Variants in MRM1 observed in about 807,000 individuals in gnomAD.
The protein encoded by MRM1 is rRNA methyltransferase 1, mitochondrial.
A neutral mutation model predicts 25.0 loss-of-function variants in MRM1; 24 were observed. The ratio of observed to expected loss-of-function variants is 0.96; its 90% CI spans 0.69 to 1.35. The LOEUF is 1.35. MRM1 is among the 40% of genes most tolerant of loss of function. MRM1 has a pLI of 0.00. For synonymous variants in MRM1, 188 were observed against 199.2 expected (o/e 0.94, Z 0.47); for missense variants, 431 against 464.1 (o/e 0.93, Z 0.65).
rs35958806 is a variant in MRM1 at position 36,605,140 on chromosome 17, C to CA, written c.636+2508dup. Among the ~76,000 whole-genome samples the CA allele has an allele frequency of 3.7e-3, 444 of 120,320 alleles. 9 individuals carry two copies. In the East Asian group the frequency reaches 0.06, roughly 16 times the overall value. 78.9% of individuals were successfully genotyped at this position (120,320 alleles called of 152,430 possible). On this transcript the variant is annotated intron_variant, in intron 2 of 4. Coordinates refer to ENST00000614766, the MANE Select transcript of MRM1 (RefSeq NM_024864.5). Reference sequence around the variant, plus strand: ...GGGCAATAAGAGTGAAACTCTATCTCAAAAAAAAAAAAAAGAGAGAGAGAG... The same window carrying CA: ...GGGCAATAAGAGTGAAACTCTATCTCAAAAAAAAAAAAAAAGAGAGAGAGAG...
the MRM1 span, among the ~76,000 whole-genome samples, chr17:36,623,037 C>G: frequency 6.6e-6 from 1 of 152,212 alleles, no homozygotes; most frequent in African/African-American, 2.4e-5. Context: ...GGAGCCCCTA[C>G]TGATATGGGG....
At chr17:36,627,674 GT>G in the MRM1 span, among the ~76,000 whole-genome samples, 891 of 83,674 alleles carry the variant, frequency 0.011, 2 homozygotes, top group African/African-American at 0.025. Flanking sequence ...TTTGGACACT[GT>G]TTTTTTTTTT....
rs936321733 is a variant in MRM1, at chr17:36,601,841, A to G, written c.31A>G (p.Thr11Ala). The G allele has an allele frequency of 2.5e-6, 4 of 1,585,808 alleles. No homozygotes were observed. The African/African-American group carries it at 5.4e-5, about 21-fold the overall frequency. ...ATTGCTCTCGACCGTCCGGGGCGCG[A>G]CCTGGGGTCGCCTCGTCACCCGTCA... MALLSTVRGA[T>A]WGRLVTRHFS... Residue 11 changes from threonine to alanine, a missense_variant, in exon 1 of 5, where the codon ACC (threonine) becomes GCC (alanine). Physicochemically the swap from Thr to Ala is moderately conservative, Grantham distance 58 (BLOSUM62 0). Transcript: ENST00000614766.
At chr17:36,623,737 C>T in the MRM1 span, among the ~76,000 whole-genome samples, 1 of 152,202 alleles carries the variant, frequency 6.6e-6, no homozygotes, top group Admixed American at 6.5e-5. Context: ...GTAAGTTCTT[C>T]TTGGTGTCTC....
chr17:36,615,210 C>T, the MRM1 span, among the ~76,000 whole-genome samples: 2 of 152,236 alleles, frequency 1.3e-5, no homozygotes, highest in South Asian at 2.1e-4. Context: ...TGCTGTGGGC[C>T]GGGGAGGAGG....
At chr17:36,631,606 C>G in the MRM1 span, among the ~76,000 whole-genome samples, 3 of 152,228 alleles carry the variant, frequency 2.0e-5, no homozygotes, top group Non-Finnish European at 2.9e-5. Flanking sequence ...CGCGGGGCAT[C>G]CCTCCTGTCC....
the MRM1 span, among the ~76,000 whole-genome samples, chr17:36,624,402 C>T: frequency 2.6e-5 from 4 of 152,230 alleles, no homozygotes; most frequent in South Asian, 2.1e-4. The surrounding 1 kb of genome is among the most constrained non-coding windows in gnomAD (Gnocchi z 4.0). Context: ...TTGCCATCTC[C>T]AGCCACTTGC....
chr17:36,610,364 C>A (rs1020121906), downstream of MRM1, among the ~76,000 whole-genome samples: 2 of 152,014 alleles, frequency 1.3e-5, no homozygotes, highest in Non-Finnish European at 2.9e-5. Flanking sequence ...TCCTGAGTAG[C>A]TGGGACTACA....
At chr17:36,603,332 C>A in intron 2 of MRM1, 1 of 426,738 alleles carries the variant, frequency 2.3e-6, no homozygotes, top group Non-Finnish European at 3.1e-6. Flanking sequence ...AAAGAGATGA[C>A]ATTTTAAATA....
chr17:36,618,127 G>A, the MRM1 span, among the ~76,000 whole-genome samples: 1 of 151,996 alleles, frequency 6.6e-6, no homozygotes, highest in South Asian at 2.1e-4. Flanking sequence ...CCTGGGAGTG[G>A]GAGTCCTTGA....
At chr17:36,632,702 G>A in the MRM1 span, among the ~76,000 whole-genome samples, 1 of 152,194 alleles carries the variant, frequency 6.6e-6, no homozygotes, top group African/African-American at 2.4e-5. Context: ...TGGAGATATG[G>A]TGTGAGCTGA....
At chr17:36,609,080 G>A (rs111657355), downstream of MRM1, 6 of 152,306 alleles carry the variant, frequency 3.9e-5, no homozygotes, top group African/African-American at 1.4e-4. Flanking sequence ...CCCCATGAGA[G>A]GCGACGGGAA....
chr17:36,631,570 C>T, the MRM1 span, among the ~76,000 whole-genome samples: 107 of 152,368 alleles, frequency 7.0e-4, no homozygotes, highest in Middle Eastern at 3.4e-3. Context: ...TGAGATCACA[C>T]ACACAAAGGC....
rs2074943208 is a variant in MRM1 at position 36,607,733 on chromosome 17, C to T, written c.700C>T (p.Gln234Ter). The change falls in exon 3 of 5, where the codon CAG becomes TAG. Residue 234 changes from glutamine (Q) to a stop codon, truncating the protein, a stop_gained. Coordinates refer to ENST00000614766, the MANE Select transcript of MRM1 (RefSeq NM_024864.5). LOFTEE classifies it high-confidence loss of function. ...GGGCTGCCCAAGCACAGAGGATCCCCAGTCCTCCGAGATCCCCATCATGAG... is the reference window on the plus strand; with the variant it reads ...GGGCTGCCCAAGCACAGAGGATCCCTAGTCCTCCGAGATCCCCATCATGAG... The part of the protein sequence containing the change: ...TVGCPSTEDP[Q>*]SSEIPIMSCL... The T allele has an allele frequency of 6.2e-7, 1 of 1,614,230 alleles. No individual in the cohort carries two copies. The highest frequency in any genetic ancestry group is 8.5e-7 in the Non-Finnish European group (1 of 1,180,032).
At chr17:36,633,773 A>G in the MRM1 span, among the ~76,000 whole-genome samples, 1 of 152,148 alleles carries the variant, frequency 6.6e-6, no homozygotes, top group Non-Finnish European at 1.5e-5. Flanking sequence ...GCAGGAATGA[A>G]GAACATGGGC....
At chr17:36,612,263 C>T (rs2074981438), downstream of MRM1, among the ~76,000 whole-genome samples, 1 of 152,232 alleles carries the variant, frequency 6.6e-6, no homozygotes. Context: ...CCCTGCTTCA[C>T]TCCCTGGGCA....
the MRM1 span, among the ~76,000 whole-genome samples, chr17:36,614,726 C>T: frequency 6.6e-6 from 1 of 152,094 alleles, no homozygotes; most frequent in Non-Finnish European, 1.5e-5. Flanking sequence ...TGTCATACCT[C>T]ACAGGGGGTT....
chr17:36,607,686 G>C lies in MRM1; in HGVS notation c.653G>C (p.Gly218Ala). The C allele has an allele frequency of 6.2e-7, 1 of 1,613,986 alleles. No individual in the cohort carries two copies. The highest frequency in any genetic ancestry group is 8.5e-7 in the Non-Finnish European group (1 of 1,179,930). ...TGFLQTKAQQ[G>A]WLVAGTVGCP... ...CCCTTTCAGACCAAAGCCCAGCAGG[G>C]CTGGCTCGTGGCCGGCACGGTGGGC... The change falls in exon 3 of 5, where the codon GGC becomes GCC. Residue 218 changes from glycine to alanine, a missense_variant. By Grantham distance (60) the Gly-to-Ala change is moderately conservative. Transcript: ENST00000614766.
At chr17:36,608,150 C>T (rs1048138409) in intron 4 of MRM1, 93 bp from the exon 5 acceptor site, 10 of 1,521,224 alleles carry the variant, frequency 6.6e-6, no homozygotes, top group African/African-American at 2.8e-5. Flanking sequence ...AATTACATCC[C>T]GTTGATGAGA....
Sources: gnomAD v4.1 joint callset for allele counts (sites outside exome capture counted in the v4.1 genomes callset) on GRCh38, gnomAD v4.1.1 for gene constraint, Gnocchi (gnomAD v3.1) non-coding constraint, MANE v1.5 for transcripts, NCBI Gene and HGNC (gene_info 2026-07-23, HGNC 2026-07-21) for gene names.